Variants in STT3B observed in about 807,000 individuals in gnomAD.
STT3B encodes dolichyl-diphosphooligosaccharide--protein glycosyltransferase subunit STT3B.
Under a neutral mutation model 96.8 loss-of-function variants are expected in STT3B, and 29 were observed. The ratio of observed to expected loss-of-function variants is 0.30; its 90% CI spans 0.22 to 0.41. STT3B has a LOEUF of 0.41. STT3B is among the 10% of genes least tolerant of loss of function. The pLI, the probability that STT3B is intolerant of heterozygous loss-of-function variation, is 1.00. For missense variants in STT3B, 640 were observed against 1,022.3 expected, an observed-to-expected ratio of 0.63 and a Z score of 5.10; for synonymous variants, 367 against 360.0, an observed-to-expected ratio of 1.02 and a Z score of -0.22.
At chr3:31,585,120 C>T (rs1698507053) in intron 3 of STT3B, among the ~76,000 whole-genome samples, 1 of 152,016 alleles carries the variant, frequency 6.6e-6, no homozygotes, top group South Asian at 2.1e-4. Context: ...AGTACTTTGT[C>T]ATAGCATTAT....
At chr3:31,625,437 G>A (rs1413712653) in intron 12 of STT3B, among the ~76,000 whole-genome samples, 1 of 152,142 alleles carries the variant, frequency 6.6e-6, no homozygotes, top group East Asian at 1.9e-4. Context: ...TGTATTTTAT[G>A]GATAGGCAAA....
chr3:31,583,110 A>G (rs563992613), intron 3 of STT3B, among the ~76,000 whole-genome samples: 10 of 152,288 alleles, frequency 6.6e-5, no homozygotes, highest in African/African-American at 2.4e-4. Flanking sequence ...TGTTCTATCC[A>G]TTATTGAGAA....
At chr3:31,568,999 A>T (rs1698075585) in intron 1 of STT3B, among the ~76,000 whole-genome samples, 1 of 151,892 alleles carries the variant, frequency 6.6e-6, no homozygotes, top group South Asian at 2.1e-4. Context: ...TCTTTTCTTT[A>T]CTTTCTTTCT....
intron 1 of STT3B, among the ~76,000 whole-genome samples, chr3:31,553,235 A>G (rs1697615289): frequency 6.6e-6 from 1 of 152,228 alleles, no homozygotes; most frequent in Non-Finnish European, 1.5e-5. Context: ...CTACTATATA[A>G]CTTTGGAGTG....
chr3:31,572,673 G>A (rs1486935653), intron 1 of STT3B, among the ~76,000 whole-genome samples: 1 of 152,120 alleles, frequency 6.6e-6, no homozygotes, highest in East Asian at 1.9e-4. Context: ...ACCAGTCTGG[G>A]CAACAAAGCA....
intron 3 of STT3B, among the ~76,000 whole-genome samples, chr3:31,588,588 A>G (rs1342818497): frequency 6.6e-6 from 1 of 151,854 alleles, no homozygotes; most frequent in Non-Finnish European, 1.5e-5. Flanking sequence ...CTACCACTAG[A>G]TTTTTGCCTT....
intron 1 of STT3B, among the ~76,000 whole-genome samples, chr3:31,556,252 A>G (rs1477513387): frequency 6.6e-6 from 1 of 152,158 alleles, no homozygotes; most frequent in Admixed American, 6.5e-5. Context: ...TTATGGCCAA[A>G]TAATATTCCA....
intron 1 of STT3B, among the ~76,000 whole-genome samples, chr3:31,558,463 C>T (rs1697776036): frequency 6.6e-6 from 1 of 152,144 alleles, no homozygotes; most frequent in African/African-American, 2.4e-5. Context: ...GGGTTTTTGT[C>T]TTCATTTTCT....
Position 31,624,964 on chromosome 3 carries a change from A to T in STT3B, c.1778A>T (p.Gln593Leu), listed in dbSNP as rs2125477037. The T allele has an allele frequency of 6.2e-7, 1 of 1,613,812 alleles. No homozygotes were observed. The highest frequency in any genetic ancestry group is 2.2e-5 in the East Asian group (1 of 44,838). ...AGAGAAGCTTACTTTTGGCTAAGGC[A>T]AAATACAGATGAACATGCACGAGTA... ...DFREAYFWLRQNTDEHARVMS... is the reference protein window; with the variant it reads ...DFREAYFWLRLNTDEHARVMS... Residue 593 changes from glutamine to leucine, a missense_variant, in exon 12 of 16, where the codon CAA becomes CTA. Around this residue, in one of 8 missense-constraint regions of STT3B, gnomAD observed 149 missense variants for 250.2 expected, o/e 0.60. Transcript: ENST00000295770.
intron 1 of STT3B, among the ~76,000 whole-genome samples, chr3:31,544,548 T>G (rs746994057): frequency 2.0e-5 from 3 of 152,240 alleles, no homozygotes; most frequent in Non-Finnish European, 1.5e-5. Context: ...TATGCTGTAA[T>G]GATCTCACAA....
chr3:31,579,208 C>T (rs548489646), intron 2 of STT3B, among the ~76,000 whole-genome samples: 1 of 151,976 alleles, frequency 6.6e-6, no homozygotes, highest in African/African-American at 2.4e-5. Context: ...TTTAATTTTT[C>T]AGGAGTCCCA....
At chr3:31,603,294 A>AAAGT (rs1465873740) in intron 5 of STT3B, among the ~76,000 whole-genome samples, 5 of 152,058 alleles carry the variant, frequency 3.3e-5, no homozygotes, top group African/African-American at 1.2e-4. Context: ...GAAAACTGTC[A>AAAGT]AAGTTTATTC....
chr3:31,543,327 T>C (rs913101485), intron 1 of STT3B, among the ~76,000 whole-genome samples: 1 of 152,192 alleles, frequency 6.6e-6, no homozygotes, highest in Non-Finnish European at 1.5e-5. Context: ...CTGTTATGAT[T>C]ATTTAAATTT....
chr3:31,572,070 A>ATATATC (rs1230123294), intron 1 of STT3B, among the ~76,000 whole-genome samples: 4 of 103,988 alleles, frequency 3.8e-5, no homozygotes, highest in Admixed American at 1.0e-4. Context: ...TAATATATTA[A>ATATATC]ATATATTAAT....
chr3:31,600,670 G>T (rs772672336), intron 5 of STT3B, among the ~76,000 whole-genome samples: 11 of 151,042 alleles, frequency 7.3e-5, no homozygotes, highest in Admixed American at 1.3e-4. Context: ...TTTCGTTTTT[G>T]TAGAAATTAG....
chr3:31,588,806 A>G (rs917677042), intron 3 of STT3B, among the ~76,000 whole-genome samples: 10 of 151,990 alleles, frequency 6.6e-5, no homozygotes, highest in African/African-American at 2.2e-4. Context: ...GTCAAAGGTC[A>G]GTTTATATTT....
At chr3:31,615,889 A>G (rs760901208) in intron 6 of STT3B, among the ~76,000 whole-genome samples, 1 of 151,844 alleles carries the variant, frequency 6.6e-6, no homozygotes, top group Non-Finnish European at 1.5e-5. Context: ...TTAAAGTTTT[A>G]TGTTTAATGT....
intron 4 of STT3B, among the ~76,000 whole-genome samples, chr3:31,598,296 A>T (rs1698839539): frequency 1.3e-5 from 2 of 152,238 alleles, no homozygotes. Context: ...ATATGGTATT[A>T]AAAATTAGTT....
At chr3:31,585,024 TGTTAA>T (rs1230170665) in intron 3 of STT3B, among the ~76,000 whole-genome samples, 6 of 152,264 alleles carry the variant, frequency 3.9e-5, no homozygotes, top group African/African-American at 9.6e-5. Context: ...AATATATAAA[TGTTAA>T]GTTGTCTAAT....
Sources: allele counts gnomAD v4.1 joint callset (sites outside exome capture counted in the v4.1 genomes callset), GRCh38; gene constraint gnomAD v4.1.1; regional missense constraint gnomAD v4.1.1; transcripts MANE v1.5; gene names NCBI Gene and HGNC (gene_info 2026-07-23, HGNC 2026-07-21).